CDC45: variants seen among roughly 807,000 people sequenced by gnomAD.
CDC45 encodes cell division cycle 45.
CDC45 carries 54 observed loss-of-function variants against 77.8 expected under a neutral mutation model. The ratio of observed to expected loss-of-function variants is 0.69; its 90% CI spans 0.56 to 0.87. The LOEUF (loss-of-function observed/expected upper bound fraction) is 0.87. Among genes scored for constraint, CDC45 ranks in the 40% least tolerant of loss-of-function variants. CDC45 has a pLI of 0.00. For synonymous variants in CDC45, 260 were observed against 272.1 expected (o/e 0.96, Z 0.44); for missense variants, 649 against 721.6 (o/e 0.90, Z 1.15).
chr22:19,501,914 A>T (rs1164389622), intron 9 of CDC45, among the ~76,000 whole-genome samples: 1 of 151,936 alleles, frequency 6.6e-6, no homozygotes, highest in African/African-American at 2.4e-5. Context: ...ATGGGGTCTT[A>T]CTTTGTTGCC....
Position 19,516,528 on chromosome 22 carries a change from CAA to C in CDC45, c.1444_1445del (p.Lys482GlufsTer45). The C allele has an allele frequency of 6.2e-7, 1 of 1,613,458 alleles. No homozygotes were observed. Among genetic ancestry groups the C allele is most frequent in the Non-Finnish European group, 8.5e-7 (1 of 1,179,478 alleles). On this transcript the variant is annotated frameshift_variant and splice_region_variant, in exon 16 of 19. Transcript: ENST00000263201. LOFTEE classifies it high-confidence loss of function. ...GGAGGGTGCTCTCCGACTCCATAGA[CAA>C]AGAACCGGCGCTGCAAACTGCTGCC...
At chr22:19,504,660 G>A (rs1933054067) in intron 9 of CDC45, among the ~76,000 whole-genome samples, 1 of 152,162 alleles carries the variant, frequency 6.6e-6, no homozygotes, top group Non-Finnish European at 1.5e-5. Flanking sequence ...GAGTTGATTG[G>A]TGGGGCAAGG....
chr22:19,495,929 G>T lies in CDC45; in HGVS notation c.543-52G>T, dbSNP rs2090234010. 6 of 1,263,496 alleles carry T rather than the reference G, an allele frequency of 4.7e-6. No homozygotes were observed. In the Admixed American group the frequency reaches 6.9e-5, roughly 15 times the overall value. The allele number at this position is 1,263,496 out of a possible 1,614,324, so 78.3% of individuals were successfully genotyped here. A position where few individuals can be genotyped will look rare whatever the true frequency, so the allele number is the denominator to read the frequency against. The stretch of plus-strand genomic sequence containing the variant: ...GTTTAGCATTTTTCCAAAATATTTG[G>T]CTTCCTGTACTGCTACTTCCTGTTG... On this transcript the variant is annotated intron_variant, in intron 6 of 18. Transcript: ENST00000263201.
chr22:19,505,176 T>C, intron 9 of CDC45, 186 bp from the exon 10 acceptor site: 1 of 641,040 alleles, frequency 1.6e-6, no homozygotes, highest in Non-Finnish European at 2.7e-6. Context: ...CCCCGCTCCA[T>C]CCAATCATGT....
At chr22:19,486,155 A>C (rs1601926969) in intron 5 of CDC45, among the ~76,000 whole-genome samples, 1 of 152,118 alleles carries the variant, frequency 6.6e-6, no homozygotes, top group East Asian at 1.9e-4. Context: ...CCAAGTAGCT[A>C]GGATTACAGG....
rs941861814 is a variant in CDC45, at chr22:19,484,112, G to A, written c.486+107G>A. ...AGGTGTACTGAGGGCAGTGGGAAGT[G>A]GAAAAGTTAGCAGGCATGGATGCTG... On this transcript the variant is annotated intron_variant, in intron 5 of 18. Transcript: ENST00000263201. 7 of 1,094,018 alleles carry A rather than the reference G, an allele frequency of 6.4e-6. No individual in the cohort carries two copies. The African/African-American group carries it at 9.5e-5, about 15-fold the overall frequency. 67.8% of individuals were successfully genotyped at this position (1,094,018 alleles called of 1,614,324 possible).
chr22:19,483,891 C>A lies in CDC45; in HGVS notation c.372C>A (p.Asp124Glu), dbSNP rs200034634. The change falls in exon 5 of 19, where the codon GAC (aspartate) becomes GAA (glutamate). Residue 124 changes from aspartate to glutamate, a missense_variant. Asp to Glu is a conservative substitution (Grantham distance 45, BLOSUM62 2). Transcript: ENST00000263201. ...AATTACTCATTAAACAAGATGATGA[C>A]CTTGAAGTTCCCGCCTATGAAGACA... ...QIKLLIKQDD[D>E]LEVPAYEDIF... is the part of the protein sequence containing the mutation. 195 of 1,612,452 alleles carry A rather than the reference C, an allele frequency of 1.2e-4. No individual in the cohort carries two copies. Among genetic ancestry groups the A allele is most frequent in the Middle Eastern group, 1.6e-4 (1 of 6,080 alleles).
intron 8 of CDC45, 96 bp downstream of exon 8, chr22:19,497,543 T>C: frequency 9.6e-7 from 1 of 1,038,698 alleles, no homozygotes; most frequent in Non-Finnish European, 1.5e-6. Context: ...GTGTTTCCCT[T>C]GTCCCCACCA....
intron 5 of CDC45, among the ~76,000 whole-genome samples, chr22:19,490,789 A>T (rs2090142253): frequency 6.7e-6 from 1 of 150,116 alleles, no homozygotes; most frequent in Non-Finnish European, 1.5e-5. Context: ...TACTGGTATC[A>T]TCATTTTACC....
rs372832702 is a variant in CDC45 at position 19,505,409 on chromosome 22, G to A, written c.752G>A (p.Arg251His). The A allele has an allele frequency of 1.4e-5, 22 of 1,613,946 alleles. No homozygotes were observed. Among genetic ancestry groups the A allele is most frequent in the African/African-American group, 6.7e-5 (5 of 74,916 alleles). Residue 251 changes from arginine to histidine, a missense_variant, in exon 10 of 19, where the codon CGC becomes CAC. Arg to His is a conservative substitution (Grantham distance 29, BLOSUM62 0). Transcript: ENST00000263201. ...GGTGTCCTGCAGCGCCACGTTTCCCGCCACAACCACCGGAACGAGGATGAG... is the reference window on the plus strand; with the variant it reads ...GGTGTCCTGCAGCGCCACGTTTCCCACCACAACCACCGGAACGAGGATGAG... ...DVGVLQRHVSRHNHRNEDEEN... is the reference protein window; with the variant it reads ...DVGVLQRHVSHHNHRNEDEEN...
Position 19,508,815 on chromosome 22 carries a change from G to A in CDC45, c.1217+124G>A. 3.6e-6 allele frequency: 3 copies of A among 832,132 alleles called. No individual in the cohort carries two copies. The South Asian group carries it at 5.1e-5, about 14-fold the overall frequency. 51.5% of individuals were successfully genotyped at this position (832,132 alleles called of 1,614,324 possible). A position where few individuals can be genotyped will look rare whatever the true frequency, so the allele number is the denominator to read the frequency against. On this transcript the variant is annotated intron_variant, in intron 13 of 18. Coordinates refer to ENST00000263201, the MANE Select transcript of CDC45 (RefSeq NM_003504.5). ...TGTGTCCTGCAGAAACTGCTTGGGT[G>A]AACTGGAATCACAGTGCCAGTGTGG...
In CDC45 at chr22:19,494,654, T is replaced by C. The variant is rs368191577; in HGVS notation, c.542+272T>C. The C allele has an allele frequency of 2.7e-5, 33 of 1,204,082 alleles. No individual in the cohort carries two copies. The East Asian group carries it at 2.8e-4, about 10-fold the overall frequency. 74.6% of individuals were successfully genotyped at this position (1,204,082 alleles called of 1,614,324 possible). A position where few individuals can be genotyped will look rare whatever the true frequency, so the allele number is the denominator to read the frequency against. Reference sequence around the variant, plus strand: ...GCCCTGGCTCTTTATTTTTATCAAGTTTTTCCAATGTAGATACTTTGATTT... The same window carrying C: ...GCCCTGGCTCTTTATTTTTATCAAGCTTTTCCAATGTAGATACTTTGATTT... On this transcript the variant is annotated intron_variant, in intron 6 of 18. Transcript: ENST00000263201.
intron 5 of CDC45, among the ~76,000 whole-genome samples, chr22:19,489,927 C>A (rs2090129008): frequency 6.6e-6 from 1 of 152,234 alleles, no homozygotes; most frequent in African/African-American, 2.4e-5. Flanking sequence ...CCTTCCAGTT[C>A]TATCACTTTT....
intron 16 of CDC45, 67 bp downstream of exon 16, chr22:19,516,712 C>T: frequency 6.9e-7 from 1 of 1,451,084 alleles, no homozygotes; most frequent in South Asian, 1.1e-5. Flanking sequence ...CTTATTAGCC[C>T]TGCTGAGTAG....
chr22:19,479,700 C>T, upstream of CDC45: 1 of 691,386 alleles, frequency 1.4e-6, no homozygotes, highest in Non-Finnish European at 2.7e-6. Flanking sequence ...AAAAGCGAGT[C>T]AGAGTTGAAG....
chr22:19,483,762 A>C, intron 4 of CDC45, 100 bp from the exon 5 acceptor site: 1 of 1,150,576 alleles, frequency 8.7e-7, no homozygotes, highest in Non-Finnish European at 1.3e-6. Flanking sequence ...CAGGAAACTG[A>C]GTCAGCTTAT....
At chr22:19,480,786 T>C (rs1383347940) in intron 2 of CDC45, among the ~76,000 whole-genome samples, 167 bp from the exon 3 acceptor site, 2 of 152,226 alleles carry the variant, frequency 1.3e-5, no homozygotes. Flanking sequence ...AATGGTATGG[T>C]AAACGCTCAT....
At chr22:19,485,803 T>C (rs2090058076) in intron 5 of CDC45, among the ~76,000 whole-genome samples, 1 of 152,152 alleles carries the variant, frequency 6.6e-6, no homozygotes, top group Non-Finnish European at 1.5e-5. Context: ...GAGTCAACAG[T>C]GGATCATGAC....
chr22:19,484,130 G>A (rs2090028814), intron 5 of CDC45, 125 bp downstream of exon 5: 6 of 880,142 alleles, frequency 6.8e-6, no homozygotes, highest in Non-Finnish European at 1.0e-5. Context: ...TAGCAGGCAT[G>A]GATGCTGACC....
Sources: allele counts gnomAD v4.1 joint callset (sites outside exome capture counted in the v4.1 genomes callset), GRCh38; gene constraint gnomAD v4.1.1; transcripts MANE v1.5; gene names NCBI Gene and HGNC (gene_info 2026-07-23, HGNC 2026-07-21).